The following MYO16 variants were observed in gnomAD, a reference collection of about 807,000 sequenced individuals.
MYO16 encodes myosin XVI.
A neutral mutation model predicts 205.3 loss-of-function variants in MYO16; 94 were observed. The ratio of observed to expected loss-of-function variants is 0.46; its 90% confidence interval spans 0.39 to 0.54. The LOEUF (loss-of-function observed/expected upper bound fraction) is 0.54, where lower values mean the gene tolerates loss of function less well. Among genes scored for constraint, MYO16 ranks in the 20% least tolerant of loss-of-function variants. MYO16 has a pLI of 0.00. For missense variants in MYO16, 2,315 were observed against 2,387.5 expected, an observed-to-expected ratio of 0.97 and a Z score of 0.63; for synonymous variants, 988 against 954.0, an observed-to-expected ratio of 1.04 and a Z score of -0.66.
intron 31 of MYO16, among the ~76,000 whole-genome samples, chr13:109,128,900 T>A (rs1389840205): frequency 6.6e-6 from 1 of 150,878 alleles, no homozygotes; most frequent in Non-Finnish European, 1.5e-5. Flanking sequence ...GCCTCCGGAG[T>A]ACCTGGGACT....
intron 27 of MYO16, among the ~76,000 whole-genome samples, chr13:109,089,160 CAT>C (rs1888539590): frequency 6.6e-6 from 1 of 151,564 alleles, no homozygotes. Flanking sequence ...AAGAGAATAG[CAT>C]AGAGTCTTGC....
At position 108,992,458 on chromosome 13, in the gene MYO16, C is replaced by A. The variant is rs1190531499; in HGVS notation, c.2442+10C>A. ...GAATGAATTTGAACAAGTAAGTAGT[C>A]TTTCTTTTAAAATTGTGTGAACTTG... On this transcript the variant is annotated intron_variant, in intron 21 of 34. Coordinates refer to ENST00000457511, the MANE Select transcript of MYO16 (RefSeq NM_001198950.3). The A allele has an allele frequency of 6.6e-7, 1 of 1,524,214 alleles. No homozygotes were observed. Among genetic ancestry groups the A allele is most frequent in the South Asian group, 1.1e-5 (1 of 87,060 alleles). The allele number at this position is 1,524,214 out of a possible 1,614,324, so 94.4% of individuals were successfully genotyped here. A position where few individuals can be genotyped will look rare whatever the true frequency, so the allele number is the denominator to read the frequency against.
intron 20 of MYO16, among the ~76,000 whole-genome samples, chr13:108,970,222 G>A (rs542967583): frequency 1.3e-5 from 2 of 152,280 alleles, no homozygotes; most frequent in East Asian, 3.9e-4. Flanking sequence ...ACTTATTTCA[G>A]TGTAACCAAA....
At chr13:109,056,870 G>A (rs1887433651) in intron 27 of MYO16, among the ~76,000 whole-genome samples, 1 of 152,060 alleles carries the variant, frequency 6.6e-6, no homozygotes, top group African/African-American at 2.4e-5. Flanking sequence ...TAATACTGAT[G>A]TAAACTAATA....
the MYO16 span, among the ~76,000 whole-genome samples, chr13:108,525,015 TG>T: frequency 6.6e-6 from 1 of 152,130 alleles, no homozygotes; most frequent in Non-Finnish European, 1.5e-5. Context: ...AAATCAAACT[TG>T]TAAAATAATA....
chr13:108,885,506 TTGTC>T (rs1189854953), intron 13 of MYO16, among the ~76,000 whole-genome samples: 1 of 152,208 alleles, frequency 6.6e-6, no homozygotes, highest in Non-Finnish European at 1.5e-5. Context: ...TTTATCTGCT[TTGTC>T]TGTCCAGTTT....
chr13:109,088,340 A>T (rs1888506241), intron 27 of MYO16, among the ~76,000 whole-genome samples: 1 of 152,138 alleles, frequency 6.6e-6, no homozygotes, highest in South Asian at 2.1e-4. Context: ...TCATGCTGAG[A>T]CACTTCTAAT....
intron 16 of MYO16, among the ~76,000 whole-genome samples, chr13:108,929,305 A>C (rs76199479): frequency 4.1e-4 from 62 of 152,346 alleles, no homozygotes; most frequent in African/African-American, 1.4e-3. Context: ...CATATGCACA[A>C]GTGAAAAGCT....
At chr13:109,174,918 T>TC (rs1428387229) in intron 33 of MYO16, among the ~76,000 whole-genome samples, 13 of 151,516 alleles carry the variant, frequency 8.6e-5, no homozygotes, top group Non-Finnish European at 1.3e-4. Context: ...CATTTTTTTT[T>TC]TTGTATTTTT....
intron 20 of MYO16, among the ~76,000 whole-genome samples, chr13:108,982,302 A>G (rs1884472784): frequency 6.6e-6 from 1 of 152,234 alleles, no homozygotes; most frequent in African/African-American, 2.4e-5. Context: ...TTTCACTCTA[A>G]TAACCATTTA....
intron 19 of MYO16, 39 bp from the exon 20 acceptor site, chr13:108,964,722 C>T: frequency 1.2e-6 from 2 of 1,604,930 alleles, no homozygotes; most frequent in African/African-American, 1.3e-5. Flanking sequence ...AATGAGGGAA[C>T]CCTTGTGCTC....
chr13:109,045,920 A>G (rs1887025988), intron 23 of MYO16, among the ~76,000 whole-genome samples: 1 of 151,998 alleles, frequency 6.6e-6, no homozygotes, highest in Non-Finnish European at 1.5e-5. Flanking sequence ...TGACACTCAA[A>G]TGTCCACAGG....
chr13:108,746,551 A>G (rs1366566142), intron 4 of MYO16, among the ~76,000 whole-genome samples: 2 of 152,154 alleles, frequency 1.3e-5, no homozygotes, highest in Non-Finnish European at 2.9e-5. Context: ...CATAAAGAAA[A>G]GGCGACATTT....
At chr13:108,719,409 C>T (rs1303986496) in intron 3 of MYO16, among the ~76,000 whole-genome samples, 1 of 152,092 alleles carries the variant, frequency 6.6e-6, no homozygotes, top group African/African-American at 2.4e-5. Flanking sequence ...CCACAAATGG[C>T]TGATCCCATT....
At position 108,718,036 on chromosome 13, in the gene MYO16, T is replaced by G. The variant is rs535913529; in HGVS notation, c.363+5305T>G. Among the ~76,000 whole-genome samples, 8 of 152,338 alleles carry G rather than the reference T, an allele frequency of 5.3e-5. No homozygotes were observed. The East Asian group carries it at 1.4e-3, about 26-fold the overall frequency. ...TGCTGCCCAAAACCGAGCTGCTCTT[T>G]GCTCTTCACCATCAGTTTCTCTAAA... On this transcript the variant is annotated intron_variant, in intron 3 of 34. Transcript: ENST00000457511.
intron 32 of MYO16, among the ~76,000 whole-genome samples, chr13:109,148,082 T>C (rs977890147): frequency 6.6e-6 from 1 of 152,208 alleles, no homozygotes; most frequent in African/African-American, 2.4e-5. Flanking sequence ...GCCTGAGACT[T>C]GCAGCTATAT....
intron 34 of MYO16, among the ~76,000 whole-genome samples, chr13:109,194,043 A>G (rs1361864987): frequency 2.0e-5 from 3 of 152,160 alleles, no homozygotes. Flanking sequence ...AATGACATGC[A>G]TAAGTTATTA....
chr13:108,504,311 G>A, the MYO16 span, among the ~76,000 whole-genome samples: 16 of 151,616 alleles, frequency 1.1e-4, no homozygotes, highest in East Asian at 3.0e-3. Context: ...TAGTAGACTA[G>A]AGATGGGGTT....
chr13:109,175,072 A>AATT (rs536001266), intron 33 of MYO16, among the ~76,000 whole-genome samples: 2 of 152,150 alleles, frequency 1.3e-5, no homozygotes, highest in South Asian at 4.1e-4. Context: ...TTTTTATAAG[A>AATT]ATTTACATGA....
Sources: allele counts gnomAD v4.1 joint callset (sites outside exome capture counted in the v4.1 genomes callset), GRCh38; gene constraint gnomAD v4.1.1; transcripts MANE v1.5; gene names NCBI Gene and HGNC (gene_info 2026-07-23, HGNC 2026-07-21).